Variants in AVEN observed in about 807,000 individuals in gnomAD.
AVEN encodes cell death regulator Aven.
Under a neutral mutation model 38.1 loss-of-function variants are expected in AVEN, and 41 were observed. The observed-to-expected ratio is 1.08, with a 90% confidence interval of 0.84 to 1.40. The LOEUF (loss-of-function observed/expected upper bound fraction) is 1.40. Among genes scored for constraint, AVEN ranks in the 40% most tolerant of loss-of-function variants. AVEN has a pLI of 0.00. For missense variants in AVEN, 605 were observed against 438.8 expected (o/e 1.38, Z -3.38); for synonymous variants, 206 against 171.8 (o/e 1.20, Z -1.56).
upstream of AVEN, among the ~76,000 whole-genome samples, chr15:34,043,304 T>C (rs1415620945): frequency 6.6e-6 from 1 of 151,524 alleles, no homozygotes; most frequent in Non-Finnish European, 1.5e-5. Context: ...GAAAAGTAGA[T>C]GTTATGATAG....
intron 2 of AVEN, among the ~76,000 whole-genome samples, chr15:33,916,678 T>A (rs530170238): frequency 1.3e-5 from 2 of 151,820 alleles, no homozygotes; most frequent in South Asian, 2.1e-4. Context: ...AATAAAAAAA[T>A]AATAATAATA....
the AVEN span, chr15:33,852,871 T>G: frequency 3.3e-6 from 2 of 600,874 alleles, no homozygotes; most frequent in Non-Finnish European, 6.0e-6. Context: ...AAGCCATACA[T>G]GACTCAGTAG....
At chr15:33,853,940 T>TC (rs1473329802), downstream of AVEN, among the ~76,000 whole-genome samples, 1 of 152,140 alleles carries the variant, frequency 6.6e-6, no homozygotes, top group African/African-American at 2.4e-5. Flanking sequence ...ATACCTGTAA[T>TC]CCCAGCACTT....
At chr15:34,008,245 A>C (rs992199246) in intron 1 of AVEN, among the ~76,000 whole-genome samples, 7 of 151,730 alleles carry the variant, frequency 4.6e-5, no homozygotes, top group African/African-American at 1.7e-4. Context: ...ACATAGCAAG[A>C]CCCTATCTCC....
chr15:34,065,465 G>A (rs1363166840), intron 4 of AVEN: 1 of 152,150 alleles, frequency 6.6e-6, no homozygotes, highest in Admixed American at 6.5e-5. Context: ...GGGGTGAGGT[G>A]GGGGTAGAAA....
intron 5 of AVEN, among the ~76,000 whole-genome samples, chr15:34,047,218 C>T (rs1181268065): frequency 1.3e-5 from 2 of 152,100 alleles, no homozygotes; most frequent in Non-Finnish European, 2.9e-5. Flanking sequence ...GCTGGGACTA[C>T]AGGCGCCCGC....
At chr15:33,862,022 A>G (rs1193371931), downstream of AVEN, among the ~76,000 whole-genome samples, 1 of 152,210 alleles carries the variant, frequency 6.6e-6, no homozygotes, top group Non-Finnish European at 1.5e-5. Flanking sequence ...ACTGAATAAC[A>G]AGTTACTTGA....
intron 1 of AVEN, among the ~76,000 whole-genome samples, chr15:34,032,175 T>A (rs1320131810): frequency 6.6e-6 from 1 of 152,160 alleles, no homozygotes; most frequent in Non-Finnish European, 1.5e-5. Context: ...TACTTCAAAG[T>A]GCATCAAGAA....
chr15:33,853,079 A>C, the AVEN span: 1 of 1,600,046 alleles, frequency 6.2e-7, no homozygotes, highest in Admixed American at 1.8e-5. Context: ...CAAGTTTGTA[A>C]AGAGAAAGGT....
chr15:33,853,209 G>A, the AVEN span: 7 of 992,716 alleles, frequency 7.1e-6, no homozygotes, highest in Admixed American at 9.2e-5. Context: ...ATCTCAAGAA[G>A]AGTAAGTCAC....
chr15:33,922,764 T>C (rs1473693531), intron 2 of AVEN, among the ~76,000 whole-genome samples: 4 of 152,174 alleles, frequency 2.6e-5, no homozygotes, highest in Non-Finnish European at 4.4e-5. Context: ...ATTCTCTATA[T>C]TATCTCAGAG....
intron 1 of AVEN, among the ~76,000 whole-genome samples, chr15:34,026,632 T>C (rs1172480732): frequency 6.6e-6 from 1 of 152,046 alleles, no homozygotes; most frequent in Admixed American, 6.6e-5. Flanking sequence ...CATGAAAAGA[T>C]AGACAATCAG....
intron 2 of AVEN, among the ~76,000 whole-genome samples, chr15:33,933,520 CACACAGAG>C (rs1893939902): frequency 4.5e-4 from 37 of 82,466 alleles, no homozygotes; most frequent in South Asian, 2.9e-3. Flanking sequence ...CACACACACA[CACACAGAG>C]AGAGAGAGAG....
At position 33,944,764 on chromosome 15, in the gene AVEN, G is replaced by A. The variant is rs532379020; in HGVS notation, c.445+58268C>T. Among the ~76,000 whole-genome samples the A allele has an allele frequency of 1.6e-4, 24 of 151,724 alleles. 1 individual carries two copies. The South Asian group carries it at 2.1e-3, about 13-fold the overall frequency. On this transcript the variant is annotated intron_variant, in intron 2 of 5. Transcript: ENST00000306730. ...GCGGAACTTGCAGTGAGCCGAGATC[G>A]CGCTCCTGCACTCCAGCCTGGGCGA...
At chr15:33,958,377 CAAGACTGGCCTG>C (rs1371853783) in intron 2 of AVEN, among the ~76,000 whole-genome samples, 1 of 152,080 alleles carries the variant, frequency 6.6e-6, no homozygotes, top group Non-Finnish European at 1.5e-5. Flanking sequence ...GCCAGGAGTT[CAAGACTGGCCTG>C]GCCAACATGG....
chr15:33,861,961 C>T (rs984199628), downstream of AVEN, among the ~76,000 whole-genome samples: 1 of 151,988 alleles, frequency 6.6e-6, no homozygotes, highest in Non-Finnish European at 1.5e-5. Flanking sequence ...CAATGCCTGG[C>T]ACCCAGTAGG....
At chr15:34,059,480 G>C (rs1488964436) in intron 5 of AVEN, among the ~76,000 whole-genome samples, 1 of 152,136 alleles carries the variant, frequency 6.6e-6, no homozygotes, top group African/African-American at 2.4e-5. Context: ...AGAGTAGATG[G>C]GGAGTCTGGA....
chr15:34,063,780 G>C lies in AVEN; in HGVS notation n.1127-348C>G, dbSNP rs750302868. On this transcript the variant is annotated intron_variant and non_coding_transcript_variant, in intron 4 of 11. Transcript: ENST00000675287. The surrounding 1 kb of genome is among the most constrained non-coding windows in gnomAD (Gnocchi z 4.1). ...TGTGAAAGCTGAAACTGAAAAAAGT[G>C]ACTATGACACCCCAAACTACCTTCT... The C allele has an allele frequency of 1.9e-6, 3 of 1,614,076 alleles. No individual in the cohort carries two copies. The highest frequency in any genetic ancestry group is 2.5e-6 in the Non-Finnish European group (3 of 1,180,050).
downstream of AVEN, among the ~76,000 whole-genome samples, chr15:33,855,155 A>G (rs11857115): frequency 3.9e-5 from 6 of 152,170 alleles, no homozygotes; most frequent in African/African-American, 2.4e-5. Context: ...ATTTAGATCA[A>G]CCAGGAGAGG....
Sources: gnomAD v4.1 joint callset for allele counts (sites outside exome capture counted in the v4.1 genomes callset) on GRCh38, gnomAD v4.1.1 for gene constraint, Gnocchi (gnomAD v3.1) non-coding constraint, MANE v1.5 for transcripts, NCBI Gene and HGNC (gene_info 2026-07-23, HGNC 2026-07-21) for gene names.